Variants in HECW1 observed in about 807,000 individuals in gnomAD.
HECW1 encodes the protein HECT, C2 and WW domain containing E3 ubiquitin protein ligase 1.
In HECW1, 61 loss-of-function variants were observed where a neutral mutation model predicts 182.3. That is an observed-to-expected ratio of 0.33 (90% confidence interval 0.27 to 0.41). The LOEUF (loss-of-function observed/expected upper bound fraction) is 0.41, where lower values mean the gene tolerates loss of function less well. Among genes scored for constraint, HECW1 ranks in the 10% least tolerant of loss-of-function variants. HECW1 has a pLI of 1.00. For synonymous variants in HECW1, 859 were observed against 832.6 expected (o/e 1.03, Z -0.55); for missense variants, 1,739 against 2,108.9 (o/e 0.82, Z 3.44).
intron 29 of HECW1, among the ~76,000 whole-genome samples, chr7:43,557,414 T>C (rs1563126191): frequency 6.6e-6 from 1 of 152,192 alleles, no homozygotes; most frequent in Non-Finnish European, 1.5e-5. Context: ...TTTGTGTCAG[T>C]CCAAGCCCCT....
intron 24 of HECW1, among the ~76,000 whole-genome samples, chr7:43,512,509 A>T (rs1027759604): frequency 1.3e-5 from 2 of 152,266 alleles, no homozygotes; most frequent in African/African-American, 4.8e-5. Flanking sequence ...AAATGTGTAA[A>T]ACGCTGATGA....
chr7:43,156,700 C>G (rs995760192), intron 2 of HECW1, among the ~76,000 whole-genome samples: 1 of 152,170 alleles, frequency 6.6e-6, no homozygotes, highest in Non-Finnish European at 1.5e-5. Flanking sequence ...TTCTGGTTCT[C>G]CATCTTCCAG....
At chr7:43,164,773 G>A (rs940049343) in intron 2 of HECW1, among the ~76,000 whole-genome samples, 3 of 152,246 alleles carry the variant, frequency 2.0e-5, no homozygotes, top group Admixed American at 2.0e-4. Context: ...GACTGATGGT[G>A]CATGTGAGGC....
At chr7:43,320,875 G>A (rs1810025724) in intron 5 of HECW1, 133 bp downstream of exon 5, 1 of 701,520 alleles carries the variant, frequency 1.4e-6, no homozygotes, top group Admixed American at 2.3e-5. Context: ...GATTTAAAGA[G>A]ATCCTTAAAA....
intron 5 of HECW1, among the ~76,000 whole-genome samples, chr7:43,329,894 C>A (rs1584499875): frequency 6.6e-6 from 1 of 152,152 alleles, no homozygotes; most frequent in African/African-American, 2.4e-5. Flanking sequence ...ATTAGAAATG[C>A]AGATTCCATA....
chr7:43,554,049 T>TG (rs2081939726), intron 28 of HECW1, among the ~76,000 whole-genome samples: 1 of 152,318 alleles, frequency 6.6e-6, no homozygotes, highest in African/African-American at 2.4e-5. Context: ...ACTTAATCCA[T>TG]GGGCCCAGCA....
intron 3 of HECW1, among the ~76,000 whole-genome samples, chr7:43,300,612 C>T (rs1457334836): frequency 1.3e-5 from 2 of 152,166 alleles, no homozygotes; most frequent in Non-Finnish European, 2.9e-5. Flanking sequence ...CTCTAAGTTG[C>T]TCTCATAAAT....
chr7:43,370,413 T>C (rs1248225632), intron 6 of HECW1, among the ~76,000 whole-genome samples: 2 of 152,202 alleles, frequency 1.3e-5, no homozygotes, highest in African/African-American at 4.8e-5. Flanking sequence ...AAATGCAAAA[T>C]GGTACAGCTA....
intron 2 of HECW1, among the ~76,000 whole-genome samples, chr7:43,187,150 C>A (rs12702022): frequency 5.3e-5 from 8 of 152,116 alleles, no homozygotes; most frequent in African/African-American, 1.4e-4. Flanking sequence ...TCCTTGCTAC[C>A]TGGACCTCTC....
intron 26 of HECW1, among the ~76,000 whole-genome samples, chr7:43,545,130 C>T (rs975839068): frequency 6.6e-6 from 1 of 152,024 alleles, no homozygotes; most frequent in Non-Finnish European, 1.5e-5. Flanking sequence ...ATATACATTC[C>T]CCAGCATATG....
At chr7:43,238,839 G>A (rs1798617284) in intron 2 of HECW1, among the ~76,000 whole-genome samples, 1 of 152,124 alleles carries the variant, frequency 6.6e-6, no homozygotes, top group African/African-American at 2.4e-5. Context: ...AGGGGCCTGG[G>A]AATTTGGAAG....
rs112249820 is a variant in HECW1 at position 43,280,545 on chromosome 7, G to A, written c.28-31218G>A. Among the ~76,000 whole-genome samples the A allele has an allele frequency of 5.6e-3, 852 of 152,248 alleles. 5 individuals are homozygous for A. Among genetic ancestry groups the A allele is most frequent in the African/African-American group, 0.016 (683 of 41,534 alleles). ...TTTATTTGATGAATTGTAGTTCCTG[G>A]TGAGCAGAAATACAAGGAGAAAAAG... is the stretch of plus-strand genomic sequence containing the variant. On this transcript the variant is annotated intron_variant, in intron 3 of 29. Coordinates refer to ENST00000395891, the MANE Select transcript of HECW1 (RefSeq NM_015052.5).
At chr7:43,375,279 G>C (rs2074279818) in intron 6 of HECW1, among the ~76,000 whole-genome samples, 1 of 151,708 alleles carries the variant, frequency 6.6e-6, no homozygotes, top group Non-Finnish European at 1.5e-5. Flanking sequence ...TGCTTGGTAA[G>C]ATGTCTATTT....
At chr7:43,550,158 C>A (rs182247507) in intron 26 of HECW1, among the ~76,000 whole-genome samples, 6 of 152,114 alleles carry the variant, frequency 3.9e-5, no homozygotes, top group African/African-American at 1.4e-4. Context: ...CGGAGTGGGG[C>A]TTGTCTGTGG....
intron 2 of HECW1, among the ~76,000 whole-genome samples, chr7:43,168,540 G>T (rs886497803): frequency 2.6e-5 from 4 of 151,620 alleles, no homozygotes; most frequent in African/African-American, 9.8e-5. Context: ...TGTGCCTGAG[G>T]TCCCAGCTAC....
intron 8 of HECW1, among the ~76,000 whole-genome samples, chr7:43,431,073 G>A (rs926885208): frequency 6.6e-6 from 1 of 152,094 alleles, no homozygotes; most frequent in African/African-American, 2.4e-5. Flanking sequence ...ACCACATCCA[G>A]CCCCATTTTT....
chr7:43,226,080 C>A (rs78933255), intron 2 of HECW1, among the ~76,000 whole-genome samples: 2,798 of 152,182 alleles, frequency 0.018, 102 homozygotes, highest in African/African-American at 0.064. Context: ...GTTGAATAGA[C>A]CTTTGATTTG....
At chr7:43,200,107 A>G (rs1326745935) in intron 2 of HECW1, among the ~76,000 whole-genome samples, 1 of 152,142 alleles carries the variant, frequency 6.6e-6, no homozygotes, top group East Asian at 1.9e-4. Context: ...GTTCTCCTCT[A>G]TTTTTTAAAA....
chr7:43,347,811 T>C (rs1472036135), intron 5 of HECW1, among the ~76,000 whole-genome samples: 2 of 152,234 alleles, frequency 1.3e-5, no homozygotes, highest in Admixed American at 6.5e-5. Flanking sequence ...GTTTATGTGG[T>C]ATATCACATT....
Sources: gnomAD v4.1 joint callset for allele counts (sites outside exome capture counted in the v4.1 genomes callset) on GRCh38, gnomAD v4.1.1 for gene constraint, MANE v1.5 for transcripts, NCBI Gene and HGNC (gene_info 2026-07-23, HGNC 2026-07-21) for gene names.